ADRM1: variants seen among roughly 807,000 people sequenced by gnomAD.
ADRM1 encodes the protein ADRM1 26S proteasome ubiquitin receptor, also known as proteasomal ubiquitin receptor ADRM1.
Under a neutral mutation model 40.1 loss-of-function variants are expected in ADRM1, and 2 were observed. The ratio of observed to expected loss-of-function variants is 0.05; its 90% CI spans 0.02 to 0.16. The LOEUF is 0.16. Ranked by LOEUF, ADRM1 falls within the 10% of genes least tolerant of loss-of-function variation. The pLI, the probability that ADRM1 is intolerant of heterozygous loss-of-function variation, is 1.00. For synonymous variants in ADRM1, 287 were observed against 240.4 expected (o/e 1.19, Z -1.79); for missense variants, 467 against 552.5 (o/e 0.85, Z 1.55).
In ADRM1 at chr20:62,308,136, G is replaced by A. The variant is rs757289232; in HGVS notation, c.972G>A (p.Ala324=). 2.2e-5 allele frequency: 35 copies of A among 1,609,022 alleles called. No homozygotes were observed. In the East Asian group the frequency reaches 5.6e-4, roughly 26 times the overall value. Residue 324 remains alanine, a synonymous_variant, in exon 8 of 10, where the codon GCG becomes GCA. Transcript: ENST00000253003. The part of the protein sequence containing the change: ...LPSGESLPQT[A]DEIQNTLTSP... ...CTGGGGAGTCGCTGCCGCAGACCGCGGATGAGATCCAGAATACCCTGACCT... is the reference window on the plus strand; with the variant it reads ...CTGGGGAGTCGCTGCCGCAGACCGCAGATGAGATCCAGAATACCCTGACCT...
chr20:62,304,651 G>A (rs1287268906), intron 3 of ADRM1, 74 bp downstream of exon 3: 1 of 1,458,928 alleles, frequency 6.9e-7, no homozygotes, highest in South Asian at 1.1e-5. Context: ...ACAGTGTGGT[G>A]CAATTGGCTT....
rs766725799 is a variant in ADRM1 at position 62,304,472 on chromosome 20, C to T, written c.225C>T (p.Ile75=). 4 of 1,613,726 alleles carry T rather than the reference C, an allele frequency of 2.5e-6. No homozygotes were observed. The highest frequency in any genetic ancestry group is 1.7e-6 in the Non-Finnish European group (2 of 1,179,846). ...TSGNVEDDLI[I]FPDDCEFKRV... is the part of the protein sequence containing the mutation. ...CCCTGGCTTGCCAGGACTTGATCAT[C>T]TTCCCTGACGACTGTGAGTTCAAGC... The change falls in exon 3 of 10, where the codon ATC becomes ATT. Residue 75 remains isoleucine, a synonymous_variant. Coordinates refer to ENST00000253003, the MANE Select transcript of ADRM1 (RefSeq NM_007002.4).
chr20:62,303,526 G>T, intron 1 of ADRM1, 42 bp from the exon 2 acceptor site: 1 of 1,534,742 alleles, frequency 6.5e-7, no homozygotes, highest in South Asian at 1.2e-5. Flanking sequence ...GACCGCAGGC[G>T]ACAGTGACCG....
In ADRM1 at chr20:62,303,906, C is replaced by T. The variant is rs1984498689; in HGVS notation, c.213+125C>T. 1.3e-5 allele frequency: 12 copies of T among 906,696 alleles called. No individual in the cohort carries two copies. The South Asian group carries it at 1.9e-4, about 14-fold the overall frequency. 56.2% of individuals were successfully genotyped at this position (906,696 alleles called of 1,614,324 possible). The stretch of plus-strand genomic sequence containing the variant: ...CCGCTCGTGGGGCCGTCATCGACTG[C>T]CCTGCTGATGGGTCGTCCTGGTTTC... On this transcript the variant is annotated intron_variant, in intron 2 of 9. Transcript: ENST00000253003.
chr20:62,307,570 T>C, intron 6 of ADRM1, 26 bp from the exon 7 acceptor site: 7 of 1,605,928 alleles, frequency 4.4e-6, no homozygotes, highest in Non-Finnish European at 5.9e-6. Context: ...GCGTGTCCGC[T>C]CCAGCGGTGC....
At position 62,304,466 on chromosome 20, in the gene ADRM1, G is replaced by T; in HGVS notation, c.219G>T (p.Leu73Phe). 2 of 1,613,474 alleles carry T rather than the reference G, an allele frequency of 1.2e-6. No individual in the cohort carries two copies. The highest frequency in any genetic ancestry group is 2.2e-5 in the South Asian group (2 of 91,014). ...DRTSGNVEDD[L>F]IIFPDDCEFK... ...CTCTTCCCCTGGCTTGCCAGGACTTGATCATCTTCCCTGACGACTGTGAGT... is the reference window on the plus strand; with the variant it reads ...CTCTTCCCCTGGCTTGCCAGGACTTTATCATCTTCCCTGACGACTGTGAGT... Residue 73 changes from leucine to phenylalanine, a missense_variant, in exon 3 of 10, where the codon TTG becomes TTT. This residue lies in a region of ADRM1 where 418 missense variants were observed against 474.6 expected (regional missense o/e 0.88). Coordinates refer to ENST00000253003, the MANE Select transcript of ADRM1 (RefSeq NM_007002.4).
intron 2 of ADRM1, 24 bp downstream of exon 2, chr20:62,303,805 G>C: frequency 6.2e-7 from 1 of 1,603,266 alleles, no homozygotes; most frequent in Non-Finnish European, 8.5e-7. Flanking sequence ...AGCCGCAGCA[G>C]CAGGACAGGC....
rs748472053 is a variant in ADRM1 at position 62,308,785 on chromosome 20, C to A, written c.*24C>A. On this transcript the variant is annotated 3_prime_UTR_variant, in exon 10 of 10. Coordinates refer to ENST00000253003, the MANE Select transcript of ADRM1 (RefSeq NM_007002.4). The stretch of plus-strand genomic sequence containing the variant: ...GAGCCACGCGCCGTCCTCCGAGGAA[C>A]TGGGCGCTTGCAGTGCGTTGCACAC... 3.0e-5 allele frequency: 49 copies of A among 1,611,642 alleles called. No individual in the cohort carries two copies. The highest frequency in any genetic ancestry group is 3.7e-5 in the Non-Finnish European group (44 of 1,179,540).
chr20:62,304,658 G>T (rs1984622083), intron 3 of ADRM1, 81 bp downstream of exon 3: 2 of 1,425,582 alleles, frequency 1.4e-6, no homozygotes, highest in Non-Finnish European at 2.0e-6. Flanking sequence ...GGTGCAATTG[G>T]CTTTTATAAA....
intron 4 of ADRM1, 21 bp downstream of exon 4, chr20:62,306,341 G>C (rs202007765): frequency 1.2e-5 from 19 of 1,612,434 alleles, no homozygotes; most frequent in African/African-American, 4.0e-5. Context: ...CATGTGTCAC[G>C]TGAGCTCAGG....
intron 3 of ADRM1, 29 bp from the exon 4 acceptor site, chr20:62,306,168 C>T (rs769485381): frequency 1.3e-6 from 2 of 1,598,480 alleles, no homozygotes; most frequent in Admixed American, 1.7e-5. Context: ...GGCGCCAGCT[C>T]CTGCCCTTAC....
intron 8 of ADRM1, 54 bp downstream of exon 8, chr20:62,308,232 GGGAGGA>G: frequency 6.4e-7 from 1 of 1,559,902 alleles, no homozygotes; most frequent in Non-Finnish European, 8.7e-7. Context: ...GTGGGCAGGG[GGGAGGA>G]GGAGGCCCTG....
In ADRM1 at chr20:62,307,662, C is replaced by T. The variant is rs765784415; in HGVS notation, c.690C>T (p.Ala230=). Residue 230 remains alanine, a synonymous_variant, in exon 7 of 10, where the codon GCC becomes GCT. Transcript: ENST00000253003. ...CCTCTTCCACCCGTGCCACCCCAGC[C>T]CCTTCTGCTCCAGCAGCTGCCTCAG... ...STTSSTRATP[A]PSAPAAASAT... 2 of 1,612,288 alleles carry T rather than the reference C, an allele frequency of 1.2e-6. No individual in the cohort carries two copies. Among genetic ancestry groups the T allele is most frequent in the Non-Finnish European group, 8.5e-7 (1 of 1,179,924 alleles).
At chr20:62,305,282 G>C (rs996120824) in intron 3 of ADRM1, 1 of 152,984 alleles carries the variant, frequency 6.5e-6, no homozygotes, top group Non-Finnish European at 1.5e-5. Context: ...CTCTCTGCCA[G>C]AGGTGGAGCT....
rs767840220 is a variant in ADRM1, at chr20:62,308,406, G to C, written c.1053G>C (p.Gln351His). The change falls in exon 9 of 10, where the codon CAG becomes CAC. Residue 351 changes from glutamine (Q) to histidine (H), a missense_variant. Coordinates refer to ENST00000253003, the MANE Select transcript of ADRM1 (RefSeq NM_007002.4). ...GMFSAALASG[Q>H]LGPLMCQFGL... ...TCAGCGCAGCCTTGGCCTCGGGGCAGCTGGGCCCCCTCATGTGCCAGTTCG... is the reference window on the plus strand; with the variant it reads ...TCAGCGCAGCCTTGGCCTCGGGGCACCTGGGCCCCCTCATGTGCCAGTTCG... 4 of 1,609,324 alleles carry C rather than the reference G, an allele frequency of 2.5e-6. No individual in the cohort carries two copies. In the Admixed American group the frequency reaches 5.0e-5, roughly 20 times the overall value.
At chr20:62,306,067 C>G in intron 3 of ADRM1, 130 bp from the exon 4 acceptor site, 2 of 1,291,996 alleles carry the variant, frequency 1.5e-6, no homozygotes, top group South Asian at 1.4e-5. Context: ...GTCTCCTCAG[C>G]ATTGTGTGGC....
At position 62,304,565 on chromosome 20, in the gene ADRM1, C is replaced by T. The variant is rs756296703; in HGVS notation, c.318C>T (p.Phe106=). 6.2e-7 allele frequency: 1 copy of T among 1,613,950 alleles called. No individual in the cohort carries two copies. The highest frequency in any genetic ancestry group is 8.5e-7 in the Non-Finnish European group (1 of 1,179,916). The change falls in exon 3 of 10, where the codon TTC becomes TTT. Residue 106 remains phenylalanine (F), a synonymous_variant. Transcript: ENST00000253003. ...TCAAGGCAGGGTCCAAGCGGCTTTTCTTCTGGATGCAGGTATGGGGCAGGC... is the reference window on the plus strand; with the variant it reads ...TCAAGGCAGGGTCCAAGCGGCTTTTTTTCTGGATGCAGGTATGGGGCAGGC... ...LKFKAGSKRL[F]FWMQEPKTDQ...
At chr20:62,304,934 G>A (rs1984677274) in intron 3 of ADRM1, among the ~76,000 whole-genome samples, 1 of 152,242 alleles carries the variant, frequency 6.6e-6, no homozygotes, top group South Asian at 2.1e-4. Context: ...TTCCCTGCTG[G>A]TGCTCACAGA....
intron 4 of ADRM1, 119 bp from the exon 5 acceptor site, chr20:62,306,529 G>A (rs965413458): frequency 2.3e-6 from 3 of 1,302,322 alleles, no homozygotes; most frequent in African/African-American, 2.9e-5. Flanking sequence ...ACTTCAAGTG[G>A]TGCCCCCTGT....
Sources: allele counts gnomAD v4.1 joint callset (sites outside exome capture counted in the v4.1 genomes callset), GRCh38; gene constraint gnomAD v4.1.1; regional missense constraint gnomAD v4.1.1; transcripts MANE v1.5; gene names NCBI Gene and HGNC (gene_info 2026-07-23, HGNC 2026-07-21).